Variants in DNAH10 observed in about 807,000 individuals in gnomAD.
DNAH10 encodes dynein axonemal heavy chain 10.
Under a neutral mutation model 506.6 loss-of-function variants are expected in DNAH10, and 348 were observed. The observed-to-expected ratio is 0.69, with a 90% confidence interval of 0.63 to 0.75. DNAH10 has a LOEUF of 0.75. Ranked by LOEUF, DNAH10 falls within the 30% of genes least tolerant of loss-of-function variation. The pLI is 0.00. For synonymous variants in DNAH10, 2,059 were observed against 2,198.6 expected (o/e 0.94, Z 1.78); for missense variants, 5,179 against 5,787.1 (o/e 0.89, Z 3.41).
intron 1 of DNAH10, among the ~76,000 whole-genome samples, chr12:123,765,178 T>C (rs1956974182): frequency 6.6e-6 from 1 of 151,916 alleles, no homozygotes; most frequent in Admixed American, 6.6e-5. Flanking sequence ...CAGGTGGTGG[T>C]AATAAAGGCG....
At chr12:123,772,703 T>C (rs1957299229) in intron 3 of DNAH10, 131 bp from the exon 4 acceptor site, 1 of 665,012 alleles carries the variant, frequency 1.5e-6, no homozygotes, top group South Asian at 2.0e-5. Flanking sequence ...ACTGTGTGGC[T>C]GTGGCTACAT....
At position 123,914,895 on chromosome 12, in the gene DNAH10, A is replaced by C; in HGVS notation, c.10618A>C (p.Asn3540His). Reference protein sequence around the residue: ...GLPPDELSVQNGILTTRASRF... With the variant: ...GLPPDELSVQHGILTTRASRF... ...TCCCCCCGATGAGCTCTCCGTTCAGAATGGCATCCTCACCACCCGGGCCAG... is the reference window on the plus strand; with the variant it reads ...TCCCCCCGATGAGCTCTCCGTTCAGCATGGCATCCTCACCACCCGGGCCAG... The change falls in exon 62 of 79, where the codon AAT (asparagine) becomes CAT (histidine). Residue 3540 changes from asparagine (N) to histidine (H), a missense_variant. Physicochemically the swap from Asn to His is moderately conservative, Grantham distance 68 (BLOSUM62 1). Coordinates refer to ENST00000673944, the MANE Select transcript of DNAH10 (RefSeq NM_001372106.1). The C allele has an allele frequency of 1.9e-6, 3 of 1,613,654 alleles. No individual in the cohort carries two copies. Among genetic ancestry groups the C allele is most frequent in the Non-Finnish European group, 2.5e-6 (3 of 1,179,812 alleles).
chr12:123,887,083 C>A, intron 51 of DNAH10, 59 bp from the exon 52 acceptor site: 2 of 1,519,438 alleles, frequency 1.3e-6, no homozygotes, highest in Admixed American at 2.1e-5. Context: ...CACCCCGGAG[C>A]CCGCAGGGAA....
chr12:123,839,662 A>ATT (rs34822711), intron 29 of DNAH10, among the ~76,000 whole-genome samples: 14,456 of 114,772 alleles, frequency 0.13, 2,092 homozygotes, highest in African/African-American at 0.32. Context: ...TTTCTTTTCT[A>ATT]TTTTTTTTTT....
Position 123,908,064 on chromosome 12 carries a change from G to T in DNAH10, c.9816-1197G>T, listed in dbSNP as rs527804062. On this transcript the variant is annotated intron_variant, in intron 57 of 78. Transcript: ENST00000673944. ...AGCCTCCAGGTTGCTGTCTGCTCAG[G>T]CTGTCTCCTCCCTGTCTCTCTGTCT... Among the ~76,000 whole-genome samples, 12 of 137,304 alleles carry T rather than the reference G, an allele frequency of 8.7e-5. No individual in the cohort carries two copies. The South Asian group carries it at 2.5e-3, about 29-fold the overall frequency. 90.1% of individuals were successfully genotyped at this position (137,304 alleles called of 152,430 possible). A position where few individuals can be genotyped will look rare whatever the true frequency, so the allele number is the denominator to read the frequency against.
At chr12:123,808,774 T>G in intron 18 of DNAH10, 23 bp from the exon 19 acceptor site, 1 of 1,613,216 alleles carries the variant, frequency 6.2e-7, no homozygotes, top group Non-Finnish European at 8.5e-7. Flanking sequence ...ACACTCTGAG[T>G]CTTTCTCATC....
intron 41 of DNAH10, among the ~76,000 whole-genome samples, chr12:123,867,081 C>A (rs1448802388): frequency 2.6e-5 from 4 of 152,236 alleles, no homozygotes; most frequent in Non-Finnish European, 4.4e-5. Flanking sequence ...AGGACCCTTG[C>A]AATCCCTGGT....
rs1955082821 is a variant in DNAH10 at position 123,929,127 on chromosome 12, G to A, written c.12307-148G>A. ...TCTAGTCCTTTAACTTCTCAGCCTGGGCCCTGGACAAGAGACTTTAGCTAT... is the reference window on the plus strand; with the variant it reads ...TCTAGTCCTTTAACTTCTCAGCCTGAGCCCTGGACAAGAGACTTTAGCTAT... On this transcript the variant is annotated intron_variant, in intron 70 of 78. Coordinates refer to ENST00000673944, the MANE Select transcript of DNAH10 (RefSeq NM_001372106.1). 5 of 786,938 alleles carry A rather than the reference G, an allele frequency of 6.4e-6. No individual in the cohort carries two copies. The Admixed American group carries it at 1.3e-4, about 20-fold the overall frequency. 48.7% of individuals were successfully genotyped at this position (786,938 alleles called of 1,614,324 possible).
At position 123,913,235 on chromosome 12, in the gene DNAH10, G is replaced by T. The variant is rs1288701197; in HGVS notation, c.10272G>T (p.Leu3424=). The change falls in exon 60 of 79, where the codon CTG becomes CTT. Residue 3424 remains leucine, a synonymous_variant. Transcript: ENST00000673944. The surrounding 1 kb of genome is among the most constrained non-coding windows in gnomAD (Gnocchi z 5.1). ...CCGCCATACTGGAAAAGCAGAAGCTGCAGGAAGAAGCCGAGATCATGGAGA... is the reference window on the plus strand; with the variant it reads ...CCGCCATACTGGAAAAGCAGAAGCTTCAGGAAGAAGCCGAGATCATGGAGA... ...YEAAILEKQK[L]QEEAEIMERR... 1 of 1,609,558 alleles carries T rather than the reference G, an allele frequency of 6.2e-7. No homozygotes were observed. Among genetic ancestry groups the T allele is most frequent in the Middle Eastern group, 1.7e-4 (1 of 6,058 alleles).
At chr12:123,921,860 C>T (rs1355448234) in intron 65 of DNAH10, among the ~76,000 whole-genome samples, 3 of 151,332 alleles carry the variant, frequency 2.0e-5, no homozygotes, top group Non-Finnish European at 2.9e-5. Flanking sequence ...ATTACAGGCA[C>T]CTACCACCAC....
chr12:123,774,343 C>A, intron 5 of DNAH10, 79 bp downstream of exon 5: 2 of 1,071,696 alleles, frequency 1.9e-6, no homozygotes, highest in Non-Finnish European at 2.7e-6. Context: ...AAATAGGTAG[C>A]GGGCAGCTCT....
Position 123,931,854 on chromosome 12 carries a change from C to T in DNAH10, c.13128+7C>T. On this transcript the variant is annotated splice_region_variant and intron_variant, in intron 75 of 78. Coordinates refer to ENST00000673944, the MANE Select transcript of DNAH10 (RefSeq NM_001372106.1). ...TCTGGCTGAACTTCAAAGGGTGAGC[C>T]TGTCTCTCATGTGCAGATTACTGCC... 1 of 1,613,806 alleles carries T rather than the reference C, an allele frequency of 6.2e-7. No individual in the cohort carries two copies. Among genetic ancestry groups the T allele is most frequent in the Non-Finnish European group, 8.5e-7 (1 of 1,179,748 alleles).
chr12:123,875,143 G>T, intron 46 of DNAH10, 88 bp from the exon 47 acceptor site: 10 of 1,454,154 alleles, frequency 6.9e-6, no homozygotes, highest in South Asian at 1.4e-5. Context: ...CGGGAAAAAT[G>T]AGCTTGAGCT....
chr12:123,817,841 A>G (rs745467765), intron 21 of DNAH10, among the ~76,000 whole-genome samples: 2 of 152,202 alleles, frequency 1.3e-5, no homozygotes, highest in African/African-American at 2.4e-5. Context: ...AACTGGGTAC[A>G]TTAGCAAGCT....
At chr12:123,838,200 G>A (rs768223910) in intron 28 of DNAH10, among the ~76,000 whole-genome samples, 18 of 152,136 alleles carry the variant, frequency 1.2e-4, no homozygotes, top group African/African-American at 4.1e-4. Flanking sequence ...CTTTCCCTGC[G>A]CAGCTGGCCT....
At chr12:123,854,951 C>T (rs533865388) in intron 36 of DNAH10, among the ~76,000 whole-genome samples, 1 of 152,200 alleles carries the variant, frequency 6.6e-6, no homozygotes, top group African/African-American at 2.4e-5. Flanking sequence ...TTTATTTAGT[C>T]TTGTTTGGAA....
chr12:123,856,793 TA>T (rs1405402250), intron 36 of DNAH10, among the ~76,000 whole-genome samples: 1 of 147,806 alleles, frequency 6.8e-6, no homozygotes, highest in Non-Finnish European at 1.5e-5. Flanking sequence ...TTTCTGTATA[TA>T]AAAATATATA....
Position 123,848,742 on chromosome 12 carries a change from A to T in DNAH10, c.5962A>T (p.Ile1988Phe). 6.2e-7 allele frequency: 1 copy of T among 1,613,794 alleles called. No homozygotes were observed. The highest frequency in any genetic ancestry group is 1.3e-5 in the African/African-American group (1 of 75,006). The change falls in exon 34 of 79, where the codon ATT becomes TTT. Residue 1988 changes from isoleucine (I) to phenylalanine (F), a missense_variant. Transcript: ENST00000673944. ...EGMDYRAVGK[I>F]FSGLAQCGAW... ...TCTTTCTTCCTAGGCCGTGGGGAAGATTTTCTCTGGCCTGGCACAGTGCGG... is the reference window on the plus strand; with the variant it reads ...TCTTTCTTCCTAGGCCGTGGGGAAGTTTTTCTCTGGCCTGGCACAGTGCGG...
intron 77 of DNAH10, 30 bp from the exon 78 acceptor site, chr12:123,934,591 T>C: frequency 6.2e-7 from 1 of 1,611,558 alleles, no homozygotes; most frequent in Non-Finnish European, 8.5e-7. Flanking sequence ...CATGCTCCAG[T>C]TGTATCCAGT....
Sources: allele counts gnomAD v4.1 joint callset (sites outside exome capture counted in the v4.1 genomes callset), GRCh38; gene constraint gnomAD v4.1.1; non-coding constraint Gnocchi (gnomAD v3.1); transcripts MANE v1.5; gene names NCBI Gene and HGNC (gene_info 2026-07-23, HGNC 2026-07-21).